Variants in STRAP observed in about 807,000 individuals in gnomAD.
STRAP encodes the protein serine/threonine kinase receptor associated protein.
Under a neutral mutation model 47.0 loss-of-function variants are expected in STRAP, and 16 were observed. The ratio of observed to expected loss-of-function variants is 0.34; its 90% CI spans 0.23 to 0.52. STRAP has a LOEUF of 0.52. Ranked by LOEUF, STRAP falls within the 20% of genes least tolerant of loss-of-function variation. The pLI, the probability that STRAP is intolerant of heterozygous loss-of-function variation, is 0.96. For synonymous variants in STRAP, 130 were observed against 142.7 expected (o/e 0.91, Z 0.63); for missense variants, 293 against 420.0 (o/e 0.70, Z 2.64).
Position 15,882,388 on chromosome 12 carries a change from G to A in STRAP, c.-320G>A. ...CCGGCGGGTGCTCTGCGTCATTTACGTCGTCACTTCCTGCCGATGCCGGTG... is the reference window on the plus strand; with the variant it reads ...CCGGCGGGTGCTCTGCGTCATTTACATCGTCACTTCCTGCCGATGCCGGTG... On this transcript the variant is annotated 5_prime_UTR_variant, in exon 1 of 10. Coordinates refer to ENST00000419869, the MANE Select transcript of STRAP (RefSeq NM_007178.4). 1 of 403,190 alleles carries A rather than the reference G, an allele frequency of 2.5e-6. No homozygotes were observed. Among genetic ancestry groups the A allele is most frequent in the Non-Finnish European group, 4.6e-6 (1 of 219,266 alleles). The allele number at this position is 403,190 out of a possible 1,614,324, so 25.0% of individuals were successfully genotyped here.
Position 15,890,475 on chromosome 12 carries a change from A to G in STRAP, c.331-122A>G, listed in dbSNP as rs1290163509. On this transcript the variant is annotated intron_variant, in intron 3 of 9. Coordinates refer to ENST00000419869, the MANE Select transcript of STRAP (RefSeq NM_007178.4). This position sits in a 1 kb window ranked among gnomAD's most constrained non-coding sequence, Gnocchi z 4.5. The stretch of plus-strand genomic sequence containing the variant: ...AGTATCTTCTCAGAAGTAATTGGTT[A>G]TGTCTTGGCATCTCTTTGTGATGTC... 1.3e-6 allele frequency: 1 copy of G among 787,628 alleles called. No individual in the cohort carries two copies. Among genetic ancestry groups the G allele is most frequent in the African/African-American group, 1.8e-5 (1 of 56,336 alleles). The allele number at this position is 787,628 out of a possible 1,614,324, so 48.8% of individuals were successfully genotyped here.
chr12:15,888,912 C>G (rs889341034), intron 2 of STRAP, among the ~76,000 whole-genome samples: 1 of 152,002 alleles, frequency 6.6e-6, no homozygotes, highest in East Asian at 1.9e-4. Context: ...TTGGGGTAAG[C>G]AAAAGAAAAG....
chr12:15,897,821 A>T (rs1005622113), intron 6 of STRAP, 61 bp from the exon 7 acceptor site: 32 of 1,254,850 alleles, frequency 2.6e-5, no homozygotes, highest in Non-Finnish European at 3.3e-5. Context: ...AACAGTTCAA[A>T]TGTAACTCGT....
chr12:15,882,687 G>C lies in STRAP; in HGVS notation c.-21G>C. On this transcript the variant is annotated 5_prime_UTR_variant, in exon 1 of 10. Coordinates refer to ENST00000419869, the MANE Select transcript of STRAP (RefSeq NM_007178.4). ...CGACGACCCTCAGCTCGCCAGTCCG[G>C]TCGCTGGCTTCGCCGCCGCCATGGC... 1 of 1,595,810 alleles carries C rather than the reference G, an allele frequency of 6.3e-7. No homozygotes were observed. Among genetic ancestry groups the C allele is most frequent in the Non-Finnish European group, 8.5e-7 (1 of 1,172,166 alleles).
At chr12:15,898,340 C>G (rs1948077043) in intron 7 of STRAP, 1 of 178,900 alleles carries the variant, frequency 5.6e-6, no homozygotes, top group Non-Finnish European at 1.2e-5. Context: ...ATGTCAAAGT[C>G]ATATGCTAAA....
At chr12:15,889,404 T>C (rs996862037) in intron 2 of STRAP, among the ~76,000 whole-genome samples, 2 of 152,128 alleles carry the variant, frequency 1.3e-5, no homozygotes, top group African/African-American at 4.8e-5. Flanking sequence ...GTGGACATTG[T>C]CTCTCCACTA....
chr12:15,897,841 C>T (rs767985267), intron 6 of STRAP, 41 bp from the exon 7 acceptor site: 66 of 1,371,558 alleles, frequency 4.8e-5, no homozygotes, highest in Non-Finnish European at 6.1e-5. Context: ...TTATTTATAC[C>T]ATATTCAAGA....
intron 4 of STRAP, among the ~76,000 whole-genome samples, chr12:15,892,297 T>A (rs1223218899): frequency 6.6e-6 from 1 of 152,156 alleles, no homozygotes; most frequent in African/African-American, 2.4e-5. Flanking sequence ...AAGGTGGTTT[T>A]ATGGTATATA....
intron 8 of STRAP, 72 bp from the exon 9 acceptor site, chr12:15,900,875 C>T (rs1948097514): frequency 2.4e-6 from 3 of 1,270,116 alleles, no homozygotes; most frequent in Non-Finnish European, 2.1e-6. Flanking sequence ...TGTTGCTCTT[C>T]TTGCTTATTG....
At position 15,887,615 on chromosome 12, in the gene STRAP, GA is replaced by G. The variant is rs1215483869; in HGVS notation, c.249-2308del. ...TTTTAGTACTGTTTCTAAATAGGAG[GA>G]AAAACTACAGACACATTACCTCTCT... On this transcript the variant is annotated intron_variant, in intron 2 of 9. Coordinates refer to ENST00000419869, the MANE Select transcript of STRAP (RefSeq NM_007178.4). The surrounding 1 kb of genome is among the most constrained non-coding windows in gnomAD (Gnocchi z 5.5). Among the ~76,000 whole-genome samples the G allele has an allele frequency of 2.6e-5, 4 of 152,260 alleles. No individual in the cohort carries two copies. In the East Asian group the frequency reaches 7.7e-4, roughly 29 times the overall value.
At chr12:15,895,551 C>G in intron 6 of STRAP, 55 bp downstream of exon 6, 1 of 1,559,514 alleles carries the variant, frequency 6.4e-7, no homozygotes, top group Non-Finnish European at 8.6e-7. Flanking sequence ...GACATTTTGG[C>G]TACTTAAAAA....
At position 15,890,888 on chromosome 12, in the gene STRAP, C is replaced by T. The variant is rs1402585720; in HGVS notation, c.403+219C>T. On this transcript the variant is annotated intron_variant, in intron 4 of 9. Transcript: ENST00000419869. This position sits in a 1 kb window ranked among gnomAD's most constrained non-coding sequence, Gnocchi z 4.5. ...CAGCCTGGCCAACATGGCAAAACCC[C>T]GTCTCTATTAAAAATAGAAAAATTA... 2.6e-5 allele frequency among the ~76,000 whole-genome samples: 4 copies of T among 152,014 alleles called. No individual in the cohort carries two copies. The highest frequency in any genetic ancestry group is 2.0e-4 in the Admixed American group (3 of 15,266).
chr12:15,883,151 G>A, intron 1 of STRAP: 8 of 1,535,128 alleles, frequency 5.2e-6, no homozygotes, highest in Non-Finnish European at 7.0e-6. Flanking sequence ...TTGGGGAAAG[G>A]AGAAATTAGG....
chr12:15,883,454 T>A (rs1472754539), intron 1 of STRAP, 87 bp from the exon 2 acceptor site: 3 of 1,428,558 alleles, frequency 2.1e-6, no homozygotes, highest in African/African-American at 2.9e-5. Flanking sequence ...CACTTTGTCA[T>A]TGAACATCAT....
chr12:15,899,833 A>G (rs1948089120), intron 7 of STRAP, 71 bp from the exon 8 acceptor site: 1 of 1,174,904 alleles, frequency 8.5e-7, no homozygotes, highest in Non-Finnish European at 1.2e-6. Context: ...CACAGACAGT[A>G]TTTTTTTTTT....
intron 2 of STRAP, among the ~76,000 whole-genome samples, chr12:15,884,757 G>A (rs1314749678): frequency 6.6e-6 from 1 of 151,858 alleles, no homozygotes; most frequent in Non-Finnish European, 1.5e-5. Flanking sequence ...GATTATTGGT[G>A]TTTTTTTATT....
chr12:15,895,751 T>C (rs1317638984), intron 6 of STRAP, among the ~76,000 whole-genome samples: 1 of 149,886 alleles, frequency 6.7e-6, no homozygotes, highest in African/African-American at 2.5e-5. Flanking sequence ...GTCCAGCTGC[T>C]TGGGAGGCTG....
intron 2 of STRAP, among the ~76,000 whole-genome samples, chr12:15,888,804 T>C (rs1271332194): frequency 1.3e-5 from 2 of 152,186 alleles, no homozygotes; most frequent in East Asian, 3.8e-4. Flanking sequence ...GCTAAAGCTC[T>C]ACTATGGCAA....
chr12:15,900,613 A>G (rs900391421), intron 8 of STRAP, among the ~76,000 whole-genome samples: 2 of 152,250 alleles, frequency 1.3e-5, no homozygotes, highest in South Asian at 2.1e-4. Flanking sequence ...ATCTAATTCA[A>G]AATTTGCTGG....
Sources: gnomAD v4.1 joint callset for allele counts (sites outside exome capture counted in the v4.1 genomes callset) on GRCh38, gnomAD v4.1.1 for gene constraint, Gnocchi (gnomAD v3.1) non-coding constraint, MANE v1.5 for transcripts, NCBI Gene and HGNC (gene_info 2026-07-23, HGNC 2026-07-21) for gene names.